The following HIGD1C variants were observed in gnomAD, a reference collection of about 807,000 sequenced individuals.
The protein encoded by HIGD1C is HIG1 hypoxia inducible domain family member 1C.
In HIGD1C, 11 loss-of-function variants were observed where a neutral mutation model predicts 13.1. The ratio of observed to expected loss-of-function variants is 0.84; its 90% CI spans 0.53 to 1.39. The LOEUF (loss-of-function observed/expected upper bound fraction) is 1.39, where lower values mean the gene tolerates loss of function less well. Ranked by LOEUF, HIGD1C falls within the 40% of genes most tolerant of loss-of-function variation. The pLI is 0.00. For missense variants in HIGD1C, 110 were observed against 112.0 expected (o/e 0.98, Z 0.08); for synonymous variants, 36 against 37.7 (o/e 0.95, Z 0.17).
chr12:50,954,627 G>A (rs545981820), intron 1 of HIGD1C, among the ~76,000 whole-genome samples: 2 of 152,164 alleles, frequency 1.3e-5, no homozygotes, highest in South Asian at 2.1e-4. Context: ...TTGGGAGGCC[G>A]AGGTGGGAGG....
chr12:50,951,259 G>C (rs1938889359), upstream of HIGD1C, among the ~76,000 whole-genome samples: 1 of 152,138 alleles, frequency 6.6e-6, no homozygotes, highest in Non-Finnish European at 1.5e-5. Context: ...TACCAACCCA[G>C]GAAAGGGACA....
chr12:50,934,842 T>C, the HIGD1C span: 1 of 152,204 alleles, frequency 6.6e-6, no homozygotes, highest in Non-Finnish European at 1.5e-5. Context: ...TCCATCAGTT[T>C]CTTCCTAAAT....
At chr12:50,940,581 G>A in the HIGD1C span, among the ~76,000 whole-genome samples, 10 of 151,904 alleles carry the variant, frequency 6.6e-5, no homozygotes, top group South Asian at 4.2e-4. Context: ...AAAATTAGCC[G>A]GGTCTAGTGG....
chr12:50,933,470 T>C, the HIGD1C span, among the ~76,000 whole-genome samples: 1 of 152,120 alleles, frequency 6.6e-6, no homozygotes, highest in African/African-American at 2.4e-5. Context: ...TTAGTGAAAA[T>C]CATACAGGCA....
At chr12:50,937,850 A>C in the HIGD1C span, among the ~76,000 whole-genome samples, 1 of 152,104 alleles carries the variant, frequency 6.6e-6, no homozygotes, top group Non-Finnish European at 1.5e-5. Flanking sequence ...TGAGTGTGTG[A>C]GTCTGGCTGA....
At chr12:50,970,370 TACA>T (rs1939718088) in intron 2 of HIGD1C, 69 bp from the exon 5 acceptor site, 3 of 812,062 alleles carry the variant, frequency 3.7e-6, no homozygotes, top group South Asian at 3.1e-5. Context: ...TTCATAAAAA[TACA>T]ACAAGTGGAA....
Position 50,962,961 on chromosome 12 carries a change from T to G in HIGD1C, c.229+1859T>G, listed in dbSNP as rs139870081. Among the ~76,000 whole-genome samples the G allele has an allele frequency of 1.2e-3, 179 of 152,238 alleles. 1 individual carries two copies. Among genetic ancestry groups the G allele is most frequent in the African/African-American group, 4.1e-3 (172 of 41,534 alleles). ...TTGAGGAGAAAAGCAACACTACTAG[T>G]AGTAATGTTTAATGAGGGATTTATT... On this transcript the variant is annotated intron_variant, in intron 2 of 2. Coordinates refer to ENST00000398455, the Ensembl canonical transcript of HIGD1C.
At chr12:50,931,648 T>C in the HIGD1C span, 1 of 148,310 alleles carries the variant, frequency 6.7e-6, no homozygotes, top group Admixed American at 6.7e-5. Flanking sequence ...AAGGCGAAGG[T>C]TGCAGTGAAC....
chr12:50,965,765 T>C (rs999575483), intron 2 of HIGD1C, among the ~76,000 whole-genome samples: 1 of 152,170 alleles, frequency 6.6e-6, no homozygotes, highest in Non-Finnish European at 1.5e-5. Flanking sequence ...GGTGAACAGG[T>C]ACCCTGGTAA....
chr12:50,936,424 A>T, the HIGD1C span, among the ~76,000 whole-genome samples: 1 of 152,134 alleles, frequency 6.6e-6, no homozygotes, highest in African/African-American at 2.4e-5. Flanking sequence ...TTAACTTTTT[A>T]AACAATTATT....
At chr12:50,970,150 A>G (rs1939710047) in intron 2 of HIGD1C, among the ~76,000 whole-genome samples, 1 of 152,212 alleles carries the variant, frequency 6.6e-6, no homozygotes, top group South Asian at 2.1e-4. Flanking sequence ...TACTATTTTT[A>G]TCTTCACATC....
chr12:50,960,053 T>C (rs1307285512), intron 1 of HIGD1C, among the ~76,000 whole-genome samples: 2 of 152,238 alleles, frequency 1.3e-5, no homozygotes, highest in African/African-American at 4.8e-5. Context: ...GTTCTTTGTT[T>C]CAGAGCCAGT....
intron 2 of HIGD1C, among the ~76,000 whole-genome samples, chr12:50,967,394 G>A (rs1939581193): frequency 6.6e-6 from 1 of 152,078 alleles, no homozygotes; most frequent in African/African-American, 2.4e-5. Context: ...TGGTCCACTT[G>A]CCTCAGCCTC....
intron 1 of HIGD1C, 102 bp from the exon 4 acceptor site, chr12:50,960,862 TAGAG>T: frequency 2.1e-6 from 2 of 954,710 alleles, no homozygotes; most frequent in Non-Finnish European, 1.5e-6. Context: ...TTTTTTTTTT[TAGAG>T]ATGGGGTCTT....
At chr12:50,955,426 G>T (rs1939056194) in intron 1 of HIGD1C, among the ~76,000 whole-genome samples, 1 of 152,166 alleles carries the variant, frequency 6.6e-6, no homozygotes, top group African/African-American at 2.4e-5. Context: ...ATGTTTTGAA[G>T]TCTGAGCTTT....
At chr12:50,964,563 C>A (rs1939470167) in intron 2 of HIGD1C, among the ~76,000 whole-genome samples, 1 of 152,178 alleles carries the variant, frequency 6.6e-6, no homozygotes, top group South Asian at 2.1e-4. Context: ...AAGGTCCCTG[C>A]AGACTAGATT....
At chr12:50,962,891 G>A (rs1447337102) in intron 2 of HIGD1C, among the ~76,000 whole-genome samples, 1 of 152,078 alleles carries the variant, frequency 6.6e-6, no homozygotes, top group Non-Finnish European at 1.5e-5. Flanking sequence ...ACAGAAGCAT[G>A]GCATGTAAGT....
chr12:50,950,886 G>T (rs1938879991), upstream of HIGD1C, among the ~76,000 whole-genome samples: 1 of 151,756 alleles, frequency 6.6e-6, no homozygotes, highest in Non-Finnish European at 1.5e-5. Context: ...CACCATGTTA[G>T]CCCGGCTGGT....
At chr12:50,967,589 T>C (rs1939588839) in intron 2 of HIGD1C, among the ~76,000 whole-genome samples, 1 of 152,106 alleles carries the variant, frequency 6.6e-6, no homozygotes, top group African/African-American at 2.4e-5. Context: ...TGGGTGATAA[T>C]TTAAGAAACT....
Sources: allele counts gnomAD v4.1 joint callset (sites outside exome capture counted in the v4.1 genomes callset), GRCh38; gene constraint gnomAD v4.1.1; transcripts MANE v1.5; gene names NCBI Gene and HGNC (gene_info 2026-07-23, HGNC 2026-07-21).